Variants in PRUNE2 observed in about 807,000 individuals in gnomAD.
PRUNE2 encodes protein prune homolog 2.
Under a neutral mutation model 252.0 loss-of-function variants are expected in PRUNE2, and 164 were observed. That is an observed-to-expected ratio of 0.65 (90% CI 0.57 to 0.74). The LOEUF is 0.74. PRUNE2 is among the 30% of genes least tolerant of loss of function. The probability of loss-of-function intolerance (pLI) is 0.00; values close to 1 mark genes in which losing one functional copy is unlikely to be tolerated. For synonymous variants in PRUNE2, 1,292 were observed against 1,350.2 expected (o/e 0.96, Z 0.94); for missense variants, 3,495 against 3,711.0 (o/e 0.94, Z 1.51).
intron 6 of PRUNE2, among the ~76,000 whole-genome samples, chr9:76,735,438 T>TA (rs2048992721): frequency 8.4e-6 from 1 of 119,626 alleles, no homozygotes; most frequent in African/African-American, 3.5e-5. Context: ...TTTTTTTTTT[T>TA]ATGCCAGTTA....
At chr9:76,884,294 C>T (rs1336256801) in intron 1 of PRUNE2, among the ~76,000 whole-genome samples, 1 of 152,150 alleles carries the variant, frequency 6.6e-6, no homozygotes, top group East Asian at 1.9e-4. Context: ...CTCGTTTAAT[C>T]TAAAATATCC....
Position 76,702,609 on chromosome 9 carries a change from G to GTGAATGAATGAATGAATGAATGAA in PRUNE2, c.8276+727_8276+728insTTCATTCATTCATTCATTCATTCA, listed in dbSNP as rs59841123. On this transcript the variant is annotated intron_variant, in intron 9 of 18. Coordinates refer to ENST00000376718, the MANE Select transcript of PRUNE2 (RefSeq NM_015225.3). ...AGAGCAAGCTCTCAAAAACCACATG[G>GTGAATGAATGAATGAATGAATGAA]TGAATGAATGAATGAATGAATCACT... is the stretch of plus-strand genomic sequence containing the variant. Among the ~76,000 whole-genome samples, 495 of 150,918 alleles carry GTGAATGAATGAATGAATGAATGAA rather than the reference G, an allele frequency of 3.3e-3. 5 individuals are homozygous for GTGAATGAATGAATGAATGAATGAA. The highest frequency in any genetic ancestry group is 5.3e-3 in the South Asian group (25 of 4,760).
chr9:76,774,640 G>A (rs2053544514), intron 6 of PRUNE2, among the ~76,000 whole-genome samples: 1 of 151,582 alleles, frequency 6.6e-6, no homozygotes, highest in African/African-American at 2.4e-5. Context: ...TGTGCTTTTA[G>A]TAGAGATGGG....
Position 76,707,887 on chromosome 9 carries a change from G to T in PRUNE2, c.4387C>A (p.Leu1463Ile), listed in dbSNP as rs533395867. Residue 1463 changes from leucine to isoleucine, a missense_variant, in exon 8 of 19, where the codon CTT becomes ATT. Physicochemically the swap from Leu to Ile is conservative, Grantham distance 5. Transcript: ENST00000376718. ...TKYVSVPEKD[L>I]EKTEECNFLE... Reference sequence around the variant, plus strand: ...AAGTTACATTCTTCAGTTTTCTCAAGATCCTTTTCAGGTACAGATACATAT... The same window carrying T: ...AAGTTACATTCTTCAGTTTTCTCAATATCCTTTTCAGGTACAGATACATAT... The T allele has an allele frequency of 4.4e-5, 71 of 1,613,784 alleles. No homozygotes were observed. The South Asian group carries it at 7.1e-4, about 16-fold the overall frequency.
intron 6 of PRUNE2, among the ~76,000 whole-genome samples, chr9:76,772,596 G>T (rs1589137893): frequency 1.3e-5 from 2 of 152,238 alleles, no homozygotes; most frequent in East Asian, 1.9e-4. Flanking sequence ...ACAGGGTCTT[G>T]CTTGTCCCCC....
At chr9:76,802,335 C>T (rs2056618050) in intron 6 of PRUNE2, among the ~76,000 whole-genome samples, 1 of 152,108 alleles carries the variant, frequency 6.6e-6, no homozygotes, top group South Asian at 2.1e-4. Flanking sequence ...GACTATGCAG[C>T]CATTGAAATG....
At chr9:76,738,435 G>A (rs1213466467) in intron 6 of PRUNE2, 1 of 152,160 alleles carries the variant, frequency 6.6e-6, no homozygotes, top group Non-Finnish European at 1.5e-5. Flanking sequence ...TCGCCTCGAG[G>A]ATTTGTGGGA....
intron 6 of PRUNE2, among the ~76,000 whole-genome samples, chr9:76,746,431 C>T (rs916202487): frequency 6.6e-6 from 1 of 151,998 alleles, no homozygotes; most frequent in African/African-American, 2.4e-5. Flanking sequence ...AGCGGCCGGG[C>T]GCGGTGGCTC....
At position 76,831,966 on chromosome 9, in the gene PRUNE2, T is replaced by C. The variant is rs77099731; in HGVS notation, c.509-5234A>G. ...CAATCACAAGAAAGTTGGTGTAATA[T>C]GCTAATATCAAACAAAACGGACTAC... is the stretch of plus-strand genomic sequence containing the variant. On this transcript the variant is annotated intron_variant, in intron 4 of 18. Transcript: ENST00000376718. 2.4e-3 allele frequency among the ~76,000 whole-genome samples: 367 copies of C among 152,210 alleles called. 1 individual carries two copies. The highest frequency in any genetic ancestry group is 4.0e-3 in the Non-Finnish European group (270 of 67,986).
chr9:76,844,168 G>GT (rs2059547175), intron 4 of PRUNE2, among the ~76,000 whole-genome samples: 1 of 152,046 alleles, frequency 6.6e-6, no homozygotes, highest in Non-Finnish European at 1.5e-5. Flanking sequence ...CTTTAGTTCC[G>GT]TGATATGGTT....
intron 6 of PRUNE2, among the ~76,000 whole-genome samples, chr9:76,746,951 T>C (rs2050180241): frequency 6.6e-6 from 1 of 152,192 alleles, no homozygotes; most frequent in Admixed American, 6.5e-5. Context: ...TACGAGCCAT[T>C]GTAGCAAATT....
chr9:76,796,532 T>C (rs888885604), intron 6 of PRUNE2, among the ~76,000 whole-genome samples: 1 of 152,234 alleles, frequency 6.6e-6, no homozygotes, highest in African/African-American at 2.4e-5. Context: ...GTGTCTGGCA[T>C]GCACTTTATG....
rs553986536 is a variant in PRUNE2 at position 76,655,434 on chromosome 9, T to C, written c.8345A>G (p.Asp2782Gly). 24 of 1,611,206 alleles carry C rather than the reference T, an allele frequency of 1.5e-5. No homozygotes were observed. The highest frequency in any genetic ancestry group is 2.5e-6 in the Non-Finnish European group (3 of 1,178,224). The change falls in exon 10 of 19, where the codon GAC becomes GGC. Residue 2782 changes from aspartate to glycine, a missense_variant. Asp to Gly is a moderately conservative substitution (Grantham distance 94, BLOSUM62 -1). Coordinates refer to ENST00000376718, the MANE Select transcript of PRUNE2 (RefSeq NM_015225.3). ...AATGCTGCTCTCACCAGGCCTCATG[T>C]CTGCAGCACTGGGACTCAGCACGCC... ...EEGVLSPSAA[D>G]MRPEPPNSLD...
intron 9 of PRUNE2, chr9:76,691,916 T>C: frequency 1.7e-6 from 1 of 605,352 alleles, no homozygotes; most frequent in Non-Finnish European, 3.0e-6. Context: ...AGCTGTCAGT[T>C]GCAAGGGGCT....
chr9:76,902,733 T>G (rs2063253576), intron 1 of PRUNE2, among the ~76,000 whole-genome samples: 1 of 152,128 alleles, frequency 6.6e-6, no homozygotes, highest in African/African-American at 2.4e-5. Context: ...ACAAATATGC[T>G]CCAGCCCCCA....
intron 6 of PRUNE2, among the ~76,000 whole-genome samples, chr9:76,811,896 C>A (rs948008819): frequency 6.6e-6 from 1 of 152,164 alleles, no homozygotes; most frequent in Non-Finnish European, 1.5e-5. Flanking sequence ...GAAGGCAGTA[C>A]AGTACTACCT....
chr9:76,812,610 G>A (rs1283337785), intron 6 of PRUNE2, among the ~76,000 whole-genome samples: 2 of 152,122 alleles, frequency 1.3e-5, no homozygotes, highest in Non-Finnish European at 2.9e-5. Context: ...AAATTCTAGC[G>A]ACCTTATGCT....
At chr9:76,886,912 G>C (rs2062137221) in intron 1 of PRUNE2, among the ~76,000 whole-genome samples, 1 of 151,974 alleles carries the variant, frequency 6.6e-6, no homozygotes, top group Non-Finnish European at 1.5e-5. Flanking sequence ...TGTTTTCCAG[G>C]GGTTGAGATA....
chr9:76,703,592 A>G lies in PRUNE2; in HGVS notation c.8021T>C (p.Leu2674Pro), dbSNP rs1420634672. ...AGGCTTCATTTCTTCCAGAATCTGCAGCTGGGGACCCTCACCCAAGCCGAG... is the reference window on the plus strand; with the variant it reads ...AGGCTTCATTTCTTCCAGAATCTGCGGCTGGGGACCCTCACCCAAGCCGAG... ...SELGLGEGPQ[L>P]QILEEMKPLE... The change falls in exon 9 of 19, where the codon CTG (leucine) becomes CCG (proline). Residue 2674 changes from leucine (L) to proline (P), a missense_variant. Coordinates refer to ENST00000376718, the MANE Select transcript of PRUNE2 (RefSeq NM_015225.3). The G allele has an allele frequency of 1.2e-6, 2 of 1,613,426 alleles. No individual in the cohort carries two copies. The highest frequency in any genetic ancestry group is 2.7e-5 in the African/African-American group (2 of 74,906).
Sources: allele counts gnomAD v4.1 joint callset (sites outside exome capture counted in the v4.1 genomes callset), GRCh38; gene constraint gnomAD v4.1.1; transcripts MANE v1.5; gene names NCBI Gene and HGNC (gene_info 2026-07-23, HGNC 2026-07-21).